The following BTBD8 variants were observed in gnomAD, a reference collection of about 807,000 sequenced individuals.
BTBD8 encodes the protein BTB domain containing 8.
BTBD8 carries 110 observed loss-of-function variants against 162.9 expected under a neutral mutation model. The observed-to-expected ratio is 0.68, with a 90% CI of 0.58 to 0.79. BTBD8 has a LOEUF of 0.79. Ranked by LOEUF, BTBD8 falls within the 30% of genes least tolerant of loss-of-function variation. The pLI is 0.00. For missense variants in BTBD8, 1,905 were observed against 2,085.4 expected, an observed-to-expected ratio of 0.91 and a Z score of 1.68; for synonymous variants, 667 against 716.1, an observed-to-expected ratio of 0.93 and a Z score of 1.10.
At chr1:92,138,065 A>G (rs1649674609) in intron 5 of BTBD8, among the ~76,000 whole-genome samples, 1 of 152,152 alleles carries the variant, frequency 6.6e-6, no homozygotes, top group Non-Finnish European at 1.5e-5. Context: ...GGCGGTAGGT[A>G]AGACTAGTCA....
intron 9 of BTBD8, among the ~76,000 whole-genome samples, chr1:92,148,458 T>A (rs895920892): frequency 2.0e-5 from 3 of 152,182 alleles, no homozygotes; most frequent in Non-Finnish European, 4.4e-5. Context: ...GGCTTGATAG[T>A]ATTGAGGAAA....
intron 5 of BTBD8, among the ~76,000 whole-genome samples, chr1:92,133,615 T>A (rs17518433): frequency 0.22 from 34,011 of 152,150 alleles, 5,110 homozygotes; most frequent in East Asian, 0.83. Context: ...ACTGAGAACA[T>A]AATGCACATA....
chr1:92,182,623 T>A (rs1219217392), intron 17 of BTBD8, 28 bp downstream of exon 17: 1 of 1,340,206 alleles, frequency 7.5e-7, no homozygotes, highest in Non-Finnish European at 9.8e-7. Flanking sequence ...AAATGCTAAA[T>A]GCATAAGAAA....
Position 92,167,138 on chromosome 1 carries a change from C to T in BTBD8, c.1303C>T (p.Gln435Ter), listed in dbSNP as rs1256725125. The change falls in exon 10 of 18, where the codon CAG becomes TAG. Residue 435 changes from glutamine (Q) to a stop codon, truncating the protein, a stop_gained and splice_region_variant. Coordinates refer to ENST00000636805, the MANE Select transcript of BTBD8 (RefSeq NM_001376131.1). LOFTEE classifies it high-confidence loss of function. Reference sequence around the variant, plus strand: ...GAGTGAAAATTTTGCTCTTCTTTTACAGGTACTATGCCTAAATTATATCCT... The same window carrying T: ...GAGTGAAAATTTTGCTCTTCTTTTATAGGTACTATGCCTAAATTATATCCT... ...IQSENFALLLQSQAMSSTADL... is the reference protein window; with the variant it reads ...IQSENFALLL 1 of 1,550,454 alleles carries T rather than the reference C, an allele frequency of 6.4e-7. No individual in the cohort carries two copies. Among genetic ancestry groups the T allele is most frequent in the Admixed American group, 2.0e-5 (1 of 50,998 alleles).
intron 4 of BTBD8, chr1:92,125,469 G>T (rs1486805548): frequency 6.2e-6 from 2 of 323,788 alleles, no homozygotes; most frequent in Admixed American, 3.7e-5. Flanking sequence ...CACTTTGAGA[G>T]GCTGGAGAAG....
chr1:92,139,522 T>C (rs1649716982), intron 6 of BTBD8, 92 bp downstream of exon 6: 2 of 1,501,354 alleles, frequency 1.3e-6, no homozygotes, highest in Non-Finnish European at 1.8e-6. Context: ...GTAGAAACTT[T>C]GCTTTTTATA....
At chr1:92,140,517 A>T (rs1158978866) in intron 6 of BTBD8, among the ~76,000 whole-genome samples, 1 of 152,214 alleles carries the variant, frequency 6.6e-6, no homozygotes, top group Non-Finnish European at 1.5e-5. Context: ...AGGAGAACAT[A>T]CCATGAGTCC....
In BTBD8 at chr1:92,180,977, T is replaced by C. The variant is rs557298202; in HGVS notation, c.3294T>C (p.Asn1098=). 72 of 1,551,612 alleles carry C rather than the reference T, an allele frequency of 4.6e-5. No individual in the cohort carries two copies. The highest frequency in any genetic ancestry group is 6.1e-5 in the Non-Finnish European group (70 of 1,147,020). ...TAAAATACATGGTTTCAAATCCAAA[T>C]GAAAACTCCTTGAACTCTAATCCAG... ...TALKYMVSNP[N]ENSLNSNPVC... The change falls in exon 17 of 18, where the codon AAT becomes AAC. Residue 1098 remains asparagine (N), a synonymous_variant. Transcript: ENST00000636805.
At chr1:92,111,047 A>G (rs968700977) in intron 4 of BTBD8, among the ~76,000 whole-genome samples, 1 of 149,364 alleles carries the variant, frequency 6.7e-6, no homozygotes, top group Non-Finnish European at 1.5e-5. Context: ...GCTGGAGTGC[A>G]GTGGCGTAAT....
At chr1:92,098,820 T>C (rs2101900217) in intron 2 of BTBD8, among the ~76,000 whole-genome samples, 1 of 152,358 alleles carries the variant, frequency 6.6e-6, no homozygotes, top group African/African-American at 2.4e-5. Context: ...TATACTGGAA[T>C]ACTAGACTCT....
intron 4 of BTBD8, chr1:92,125,757 A>G: frequency 2.3e-6 from 1 of 440,732 alleles, no homozygotes; most frequent in Non-Finnish European, 4.5e-6. Context: ...TGATAATGAG[A>G]GAAGTGATAT....
intron 4 of BTBD8, among the ~76,000 whole-genome samples, chr1:92,118,342 A>G (rs1324998494): frequency 8.0e-6 from 1 of 125,226 alleles, no homozygotes; most frequent in Non-Finnish European, 1.7e-5. Context: ...CAGGTATTTT[A>G]TAGAAATTCC....
intron 7 of BTBD8, among the ~76,000 whole-genome samples, chr1:92,146,045 A>G (rs1649910177): frequency 2.0e-5 from 3 of 152,186 alleles, no homozygotes; most frequent in Admixed American, 1.3e-4. Flanking sequence ...AGATCAATAT[A>G]GGGCCTCTCA....
intron 9 of BTBD8, among the ~76,000 whole-genome samples, chr1:92,159,973 A>G (rs899965533): frequency 3.3e-5 from 5 of 152,104 alleles, no homozygotes; most frequent in African/African-American, 1.2e-4. Flanking sequence ...ATTTCTTTTA[A>G]TAAATTTTCT....
Position 92,177,393 on chromosome 1 carries a change from A to G in BTBD8, c.2200A>G (p.Met734Val). 2 of 1,551,738 alleles carry G rather than the reference A, an allele frequency of 1.3e-6. No individual in the cohort carries two copies. Among genetic ancestry groups the G allele is most frequent in the East Asian group, 2.4e-5 (1 of 40,926 alleles). Residue 734 changes from methionine to valine, a missense_variant, in exon 14 of 18, where the codon ATG becomes GTG. This residue lies in a region of BTBD8 where 1,374 missense variants were observed against 1,442.7 expected (regional missense o/e 0.95). Transcript: ENST00000636805. ...CTCCAGCAGATCCACAGATTCAAGT[A>G]TGGAATTCTCAATTTCCACTGAATG... is the stretch of plus-strand genomic sequence containing the variant. ...GPSSRSTDSS[M>V]EFSISTECLD... is the part of the protein sequence containing the mutation.
intron 9 of BTBD8, among the ~76,000 whole-genome samples, chr1:92,161,648 G>A (rs573243657): frequency 2.6e-5 from 4 of 152,278 alleles, no homozygotes; most frequent in South Asian, 2.1e-4. Flanking sequence ...AGAAGTGGAC[G>A]TGAGAACTAC....
chr1:92,121,443 G>T (rs1426343606), intron 4 of BTBD8, among the ~76,000 whole-genome samples: 1 of 152,112 alleles, frequency 6.6e-6, no homozygotes, highest in South Asian at 2.1e-4. Flanking sequence ...TTTAGTTTGA[G>T]TAAGATTGAT....
chr1:92,114,898 A>T (rs1648993301), intron 4 of BTBD8: 1 of 319,784 alleles, frequency 3.1e-6, no homozygotes, highest in Non-Finnish European at 6.1e-6. Flanking sequence ...CAAAGTGGTC[A>T]TTAGGGCAAT....
At chr1:92,134,818 T>TCC (rs1409118583) in intron 5 of BTBD8, among the ~76,000 whole-genome samples, 1 of 151,920 alleles carries the variant, frequency 6.6e-6, no homozygotes, top group Non-Finnish European at 1.5e-5. Context: ...CACACAGGGC[T>TCC]CCACATAGGA....
Sources: allele counts gnomAD v4.1 joint callset (sites outside exome capture counted in the v4.1 genomes callset), GRCh38; gene constraint gnomAD v4.1.1; regional missense constraint gnomAD v4.1.1; transcripts MANE v1.5; gene names NCBI Gene and HGNC (gene_info 2026-07-23, HGNC 2026-07-21).